The following PUM3 variants were observed in gnomAD, a reference collection of about 807,000 sequenced individuals.
PUM3 encodes pumilio RNA binding family member 3.
PUM3 carries 91 observed loss-of-function variants against 84.0 expected under a neutral mutation model. That is an observed-to-expected ratio of 1.08 (90% CI 0.91 to 1.29). The LOEUF (loss-of-function observed/expected upper bound fraction) is 1.29, where lower values mean the gene tolerates loss of function less well. PUM3 is among the 50% of genes most tolerant of loss of function. The probability of loss-of-function intolerance (pLI) is 0.00; values close to 1 mark genes in which losing one functional copy is unlikely to be tolerated. For synonymous variants in PUM3, 321 were observed against 266.7 expected, an observed-to-expected ratio of 1.20 and a Z score of -1.98; for missense variants, 1,067 against 767.5, an observed-to-expected ratio of 1.39 and a Z score of -4.61.
At chr9:2,813,221 C>T (rs1012395133) in intron 13 of PUM3, among the ~76,000 whole-genome samples, 1 of 152,128 alleles carries the variant, frequency 6.6e-6, no homozygotes, top group Non-Finnish European at 1.5e-5. Context: ...CAACGTCATC[C>T]CCACCCTAAC....
intron 8 of PUM3, among the ~76,000 whole-genome samples, chr9:2,829,337 C>T (rs1563832783): frequency 6.6e-6 from 1 of 152,162 alleles, no homozygotes; most frequent in Non-Finnish European, 1.5e-5. Flanking sequence ...CTCTCTGTTC[C>T]CCTTCATCTC....
chr9:2,832,528 T>A (rs920715302), intron 5 of PUM3, among the ~76,000 whole-genome samples: 3 of 152,210 alleles, frequency 2.0e-5, no homozygotes, highest in African/African-American at 7.2e-5. Context: ...ACACATATTT[T>A]AAGCAGCCCA....
At chr9:2,806,919 A>G (rs1308952708) in intron 17 of PUM3, among the ~76,000 whole-genome samples, 1 of 152,230 alleles carries the variant, frequency 6.6e-6, no homozygotes. Flanking sequence ...TTCATTAAAA[A>G]AAATACAGGC....
At chr9:2,806,782 C>A (rs1225640853) in intron 17 of PUM3, among the ~76,000 whole-genome samples, 1 of 152,182 alleles carries the variant, frequency 6.6e-6, no homozygotes, top group Admixed American at 6.5e-5. Context: ...AAATAGCACA[C>A]ACACTTCAGT....
At chr9:2,832,750 C>A (rs1053678903) in intron 5 of PUM3, among the ~76,000 whole-genome samples, 3 of 152,152 alleles carry the variant, frequency 2.0e-5, no homozygotes, top group African/African-American at 7.2e-5. Flanking sequence ...TCTGGTTAGA[C>A]CTATGCATCT....
At chr9:2,833,922 T>C (rs1277950000) in intron 4 of PUM3, 109 bp downstream of exon 4, 1 of 1,171,440 alleles carries the variant, frequency 8.5e-7, no homozygotes, top group African/African-American at 1.5e-5. Flanking sequence ...ACCCCCTCAA[T>C]AACCCAAGTG....
chr9:2,835,471 C>T (rs916889042), intron 3 of PUM3, among the ~76,000 whole-genome samples: 1 of 152,128 alleles, frequency 6.6e-6, no homozygotes, highest in African/African-American at 2.4e-5. Flanking sequence ...ATTATGTTTG[C>T]TCATGAAATT....
Position 2,827,684 on chromosome 9 carries a change from G to C in PUM3, c.957-533C>G, listed in dbSNP as rs188489767. Among the ~76,000 whole-genome samples, 36 of 152,296 alleles carry C rather than the reference G, an allele frequency of 2.4e-4. No individual in the cohort carries two copies. In the East Asian group the frequency reaches 6.4e-3, roughly 27 times the overall value. On this transcript the variant is annotated intron_variant, in intron 9 of 17. Coordinates refer to ENST00000397885, the MANE Select transcript of PUM3 (RefSeq NM_014878.5). ...ATCCAGGTGTACAGTGGAGGCCGATGGTCAGGCATAAAAGACCTAAAGTTC... is the reference window on the plus strand; with the variant it reads ...ATCCAGGTGTACAGTGGAGGCCGATCGTCAGGCATAAAAGACCTAAAGTTC...
intron 17 of PUM3, 68 bp from the exon 18 acceptor site, chr9:2,804,531 C>T (rs1021776193): frequency 6.9e-7 from 1 of 1,454,596 alleles, no homozygotes; most frequent in African/African-American, 1.4e-5. Flanking sequence ...CCTGTACCAA[C>T]AGTAAAAAAG....
In PUM3 at chr9:2,827,920, G is replaced by A. The variant is rs117542448; in HGVS notation, c.956+755C>T. Among the ~76,000 whole-genome samples the A allele has an allele frequency of 1.1e-3, 161 of 152,276 alleles. 3 individuals are homozygous for A. In the East Asian group the frequency reaches 0.029, roughly 27 times the overall value. On this transcript the variant is annotated intron_variant, in intron 9 of 17. Transcript: ENST00000397885. Reference sequence around the variant, plus strand: ...CAGTTAGTAATAGTTGGGGGAGTGGGGAACCAGGAGTCGTACCCAGGCAGT... The same window carrying A: ...CAGTTAGTAATAGTTGGGGGAGTGGAGAACCAGGAGTCGTACCCAGGCAGT...
At position 2,824,830 on chromosome 9, in the gene PUM3, C is replaced by A; in HGVS notation, c.1036-15G>T. 1 of 1,506,382 alleles carries A rather than the reference C, an allele frequency of 6.6e-7. No homozygotes were observed. The highest frequency in any genetic ancestry group is 9.0e-7 in the Non-Finnish European group (1 of 1,109,700). 93.3% of individuals were successfully genotyped at this position (1,506,382 alleles called of 1,614,324 possible). ...TCAATCATTTCCTAGGGAACAAATG[C>A]TGTCAGGAACAGGGCTCTGCTTTAT... On this transcript the variant is annotated splice_polypyrimidine_tract_variant and intron_variant, in intron 10 of 17. Transcript: ENST00000397885.
chr9:2,828,641 T>C (rs184436153), intron 9 of PUM3, 34 bp downstream of exon 9: 21 of 1,297,926 alleles, frequency 1.6e-5, no homozygotes, highest in Non-Finnish European at 2.2e-5. Flanking sequence ...TTGAATGTCA[T>C]TTCTTAAGAA....
chr9:2,807,600 CAA>C (rs71329449), intron 17 of PUM3, among the ~76,000 whole-genome samples: 3 of 67,106 alleles, frequency 4.5e-5, no homozygotes, highest in African/African-American at 1.3e-4. Context: ...GACTCCATCT[CAA>C]AAAAAAAAAA....
At chr9:2,820,626 G>C (rs146795228) in intron 12 of PUM3, among the ~76,000 whole-genome samples, 1 of 151,978 alleles carries the variant, frequency 6.6e-6, no homozygotes, top group African/African-American at 2.4e-5. Context: ...TTATACAAAT[G>C]ATTTTTAATT....
At chr9:2,843,994 G>C (rs1004007730) in intron 1 of PUM3, 51 bp downstream of exon 1, 1 of 154,146 alleles carries the variant, frequency 6.5e-6, no homozygotes, top group Non-Finnish European at 1.5e-5. Context: ...TCCAGCGCCC[G>C]GCAGGGTGCG....
At chr9:2,810,990 T>C (rs989973157) in intron 15 of PUM3, among the ~76,000 whole-genome samples, 2 of 152,196 alleles carry the variant, frequency 1.3e-5, no homozygotes, top group African/African-American at 2.4e-5. Context: ...AGTCTCCTTA[T>C]AGAGAAACTT....
At chr9:2,834,212 T>C (rs762710216) in intron 3 of PUM3, 46 bp from the exon 4 acceptor site, 4 of 1,536,676 alleles carry the variant, frequency 2.6e-6, no homozygotes, top group Admixed American at 3.5e-5. Context: ...ACATTCTAAG[T>C]GTCATACACC....
chr9:2,843,711 T>C (rs1816329463), intron 1 of PUM3, among the ~76,000 whole-genome samples: 1 of 151,542 alleles, frequency 6.6e-6, no homozygotes, highest in Non-Finnish European at 1.5e-5. Context: ...CCCAAGTAGC[T>C]GGGACCACAG....
chr9:2,806,189 G>A (rs962430669), intron 17 of PUM3, among the ~76,000 whole-genome samples: 1 of 152,138 alleles, frequency 6.6e-6, no homozygotes, highest in African/African-American at 2.4e-5. Context: ...CCAGTTAATT[G>A]AGTGTAATGA....
Sources: gnomAD v4.1 joint callset for allele counts (sites outside exome capture counted in the v4.1 genomes callset) on GRCh38, gnomAD v4.1.1 for gene constraint, MANE v1.5 for transcripts, NCBI Gene and HGNC (gene_info 2026-07-23, HGNC 2026-07-21) for gene names.